The following SEC14L5 variants were observed in gnomAD, a reference collection of about 807,000 sequenced individuals.
SEC14L5 encodes SEC14 like lipid binding 5.
SEC14L5 carries 96 observed loss-of-function variants against 84.6 expected under a neutral mutation model. The ratio of observed to expected loss-of-function variants is 1.13; its 90% confidence interval spans 0.96 to 1.34. The LOEUF (loss-of-function observed/expected upper bound fraction) is 1.34, where lower values mean the gene tolerates loss of function less well. Ranked by LOEUF, SEC14L5 falls within the 40% of genes most tolerant of loss-of-function variation. SEC14L5 has a pLI of 0.00. For synonymous variants in SEC14L5, 546 were observed against 383.4 expected (o/e 1.42, Z -4.95); for missense variants, 1,224 against 942.5 (o/e 1.30, Z -3.91).
At chr16:4,959,521 GT>G in intron 2 of SEC14L5, 135 bp downstream of exon 2, 1 of 754,850 alleles carries the variant, frequency 1.3e-6, no homozygotes, top group Non-Finnish European at 2.3e-6. Context: ...GACCTGGTGG[GT>G]TTAACTTCTA....
intron 2 of SEC14L5, among the ~76,000 whole-genome samples, chr16:4,969,658 A>G (rs1172905950): frequency 6.6e-6 from 1 of 152,120 alleles, no homozygotes; most frequent in Non-Finnish European, 1.5e-5. Context: ...TGCTGAGATT[A>G]CAGGTGTGAG....
At chr16:4,963,616 G>C (rs894148369) in intron 2 of SEC14L5, among the ~76,000 whole-genome samples, 1 of 152,134 alleles carries the variant, frequency 6.6e-6, no homozygotes, top group Admixed American at 6.6e-5. Context: ...AAAGTGCTGG[G>C]ATTAGAGGCG....
Position 4,992,036 on chromosome 16 carries a change from T to G in SEC14L5, c.667+6T>G, listed in dbSNP as rs1329521479. 2 of 1,551,848 alleles carry G rather than the reference T, an allele frequency of 1.3e-6. No individual in the cohort carries two copies. The highest frequency in any genetic ancestry group is 1.7e-6 in the Non-Finnish European group (2 of 1,155,712). The stretch of plus-strand genomic sequence containing the variant: ...GGAGGCGGTCAGTATGGACGGTAGG[T>G]GGTACAGCCCAGGCCAGTCAGCCCT... On this transcript the variant is annotated splice_donor_region_variant and intron_variant, in intron 6 of 15. Transcript: ENST00000251170.
At chr16:4,968,156 ACCAC>A (rs1596614117) in intron 2 of SEC14L5, among the ~76,000 whole-genome samples, 1 of 150,852 alleles carries the variant, frequency 6.6e-6, no homozygotes, top group East Asian at 2.0e-4. Context: ...AATAGCTGAG[ACCAC>A]AGGTGTTCAC....
At chr16:4,977,134 A>T (rs893390071) in intron 2 of SEC14L5, among the ~76,000 whole-genome samples, 5 of 152,152 alleles carry the variant, frequency 3.3e-5, no homozygotes, top group South Asian at 2.1e-4. Flanking sequence ...AATAAATGTA[A>T]TTATTCCAGA....
Position 5,015,067 on chromosome 16 carries a change from C to A in SEC14L5, c.*97C>A. 1.0e-6 allele frequency: 1 copy of A among 973,568 alleles called. No homozygotes were observed. Among genetic ancestry groups the A allele is most frequent in the Non-Finnish European group, 1.5e-6 (1 of 646,864 alleles). The allele number at this position is 973,568 out of a possible 1,614,324, so 60.3% of individuals were successfully genotyped here. On this transcript the variant is annotated 3_prime_UTR_variant, in exon 16 of 16. Transcript: ENST00000251170. ...ACTGCAGGGCCTGGGACCATGTGGG[C>A]TGGAGCCCCAGGCCTAGATGCTGCC...
At chr16:4,964,739 TC>T (rs1425094858) in intron 2 of SEC14L5, among the ~76,000 whole-genome samples, 1 of 148,934 alleles carries the variant, frequency 6.7e-6, no homozygotes, top group Non-Finnish European at 1.5e-5. Flanking sequence ...CCCCACCTCT[TC>T]TTCTTTTTTC....
At chr16:4,984,758 T>C (rs1463597632) in intron 2 of SEC14L5, among the ~76,000 whole-genome samples, 2 of 152,378 alleles carry the variant, frequency 1.3e-5, no homozygotes, top group Non-Finnish European at 1.5e-5. Flanking sequence ...TGGTATTTCA[T>C]TGTGGTTTGG....
Position 5,015,291 on chromosome 16 carries a change from G to T in SEC14L5, c.*321G>T. 1 of 307,238 alleles carries T rather than the reference G, an allele frequency of 3.3e-6. No homozygotes were observed. The highest frequency in any genetic ancestry group is 6.1e-6 in the Non-Finnish European group (1 of 164,918). The allele number at this position is 307,238 out of a possible 1,614,324, so 19.0% of individuals were successfully genotyped here. On this transcript the variant is annotated 3_prime_UTR_variant, in exon 16 of 16. Coordinates refer to ENST00000251170, the MANE Select transcript of SEC14L5 (RefSeq NM_014692.2). ...CGTCAGCCAGGCCCATCTCCTCTCT[G>T]TCCACCTCTTGCTCTGCTTTCGCCA...
chr16:5,001,460 T>C lies in SEC14L5; in HGVS notation c.1130+535T>C, dbSNP rs970038818. Among the ~76,000 whole-genome samples the C allele has an allele frequency of 3.3e-5, 5 of 151,978 alleles. No individual in the cohort carries two copies. In the East Asian group the frequency reaches 9.7e-4, roughly 29 times the overall value. On this transcript the variant is annotated intron_variant, in intron 10 of 15. Coordinates refer to ENST00000251170, the MANE Select transcript of SEC14L5 (RefSeq NM_014692.2). Reference sequence around the variant, plus strand: ...ATTTTTAGTAGAGACAGGGTTTCACTGTGTTAGCCAGAATGGTCTCGGTCT... The same window carrying C: ...ATTTTTAGTAGAGACAGGGTTTCACCGTGTTAGCCAGAATGGTCTCGGTCT...
At chr16:4,987,251 T>A (rs1282074762) in intron 2 of SEC14L5, among the ~76,000 whole-genome samples, 3 of 152,050 alleles carry the variant, frequency 2.0e-5, no homozygotes, top group East Asian at 3.9e-4. Context: ...CTCAAATGCT[T>A]TTCCTGAGAA....
At chr16:4,969,119 T>C (rs1409389093) in intron 2 of SEC14L5, among the ~76,000 whole-genome samples, 2 of 152,262 alleles carry the variant, frequency 1.3e-5, no homozygotes, top group Admixed American at 6.5e-5. Flanking sequence ...CAATGTTTTC[T>C]ACCTTGAATG....
At chr16:4,984,825 G>A (rs377556198) in intron 2 of SEC14L5, among the ~76,000 whole-genome samples, 5 of 152,292 alleles carry the variant, frequency 3.3e-5, no homozygotes, top group East Asian at 3.9e-4. Context: ...GCTTTTTTGT[G>A]TTGGTATATT....
intron 2 of SEC14L5, among the ~76,000 whole-genome samples, chr16:4,987,111 G>A (rs1405866705): frequency 6.6e-6 from 1 of 151,992 alleles, no homozygotes; most frequent in Non-Finnish European, 1.5e-5. Flanking sequence ...TTAGGGGAAA[G>A]CACTCATTCA....
At position 5,012,905 on chromosome 16, in the gene SEC14L5, G is replaced by GAAGA. The variant is rs1555443034; in HGVS notation, c.1979+1634_1979+1635insGAAA. ...GCGAGACTGTCTCAAAAAGAAAAAG[G>GAAGA]AAAAAAAAAAAACCTACCTGAGACT... On this transcript the variant is annotated intron_variant, in intron 15 of 15. Coordinates refer to ENST00000251170, the MANE Select transcript of SEC14L5 (RefSeq NM_014692.2). Among the ~76,000 whole-genome samples the GAAGA allele has an allele frequency of 1.4e-5, 2 of 145,828 alleles. 1 individual carries two copies. Among genetic ancestry groups the GAAGA allele is most frequent in the African/African-American group, 5.1e-5 (2 of 39,412 alleles).
chr16:5,005,457 A>T (rs983388293), intron 11 of SEC14L5, among the ~76,000 whole-genome samples: 1 of 152,060 alleles, frequency 6.6e-6, no homozygotes, highest in Non-Finnish European at 1.5e-5. Context: ...GGTGATGAAC[A>T]TGTCTAGGTA....
intron 2 of SEC14L5, among the ~76,000 whole-genome samples, chr16:4,971,389 G>A (rs375776292): frequency 1.2e-4 from 18 of 151,680 alleles, no homozygotes; most frequent in African/African-American, 3.4e-4. Flanking sequence ...AGGCCAGGAG[G>A]TCGAGGCTGC....
At chr16:4,962,535 A>G (rs1596610426) in intron 2 of SEC14L5, among the ~76,000 whole-genome samples, 1 of 152,150 alleles carries the variant, frequency 6.6e-6, no homozygotes, top group Non-Finnish European at 1.5e-5. Context: ...TAAAAATACA[A>G]GAATTAGCTG....
intron 2 of SEC14L5, among the ~76,000 whole-genome samples, chr16:4,972,628 C>T (rs571493218): frequency 5.9e-5 from 9 of 152,360 alleles, no homozygotes; most frequent in African/African-American, 2.2e-4. Flanking sequence ...GACACAATGT[C>T]TTCCAGGTTC....
Sources: gnomAD v4.1 joint callset for allele counts (sites outside exome capture counted in the v4.1 genomes callset) on GRCh38, gnomAD v4.1.1 for gene constraint, MANE v1.5 for transcripts, NCBI Gene and HGNC (gene_info 2026-07-23, HGNC 2026-07-21) for gene names.